GAB2: variants seen among roughly 807,000 people sequenced by gnomAD.
GAB2 encodes the protein GRB2 associated binding protein 2, also known as GRB2-associated-binding protein 2.
In GAB2, 26 loss-of-function variants were observed where a neutral mutation model predicts 65.5. That is an observed-to-expected ratio of 0.40 (90% CI 0.29 to 0.55). GAB2 has a LOEUF of 0.55. Ranked by LOEUF, GAB2 falls within the 20% of genes least tolerant of loss-of-function variation. The probability of loss-of-function intolerance (pLI) is 0.53; values close to 1 mark genes in which losing one functional copy is unlikely to be tolerated. For missense variants in GAB2, 884 were observed against 875.8 expected (o/e 1.01, Z -0.12); for synonymous variants, 321 against 329.6 (o/e 0.97, Z 0.28).
At chr11:78,243,601 G>A (rs1042020158) in intron 3 of GAB2, among the ~76,000 whole-genome samples, 5 of 152,198 alleles carry the variant, frequency 3.3e-5, no homozygotes, top group Non-Finnish European at 7.3e-5. Context: ...AGCACTTTGG[G>A]AGGCCGAGGC....
At chr11:78,398,190 C>T (rs1856926269) in intron 1 of GAB2, among the ~76,000 whole-genome samples, 2 of 152,226 alleles carry the variant, frequency 1.3e-5, no homozygotes, top group Non-Finnish European at 2.9e-5. Context: ...GCATGTTCTT[C>T]CAATGCACAC....
At chr11:78,225,044 C>G (rs1157275088) in intron 5 of GAB2, 64 bp downstream of exon 5, 1 of 978,512 alleles carries the variant, frequency 1.0e-6, no homozygotes, top group Non-Finnish European at 1.6e-6. Context: ...CTTTTAATTC[C>G]ATAAGGTGTG....
intron 1 of GAB2, among the ~76,000 whole-genome samples, chr11:78,304,869 G>A (rs904470205): frequency 1.3e-5 from 2 of 152,106 alleles, no homozygotes; most frequent in African/African-American, 4.8e-5. Flanking sequence ...TCCCCTCCAT[G>A]CCTATTTCTC....
At chr11:78,238,457 T>C (rs1463628431) in intron 3 of GAB2, among the ~76,000 whole-genome samples, 1 of 149,470 alleles carries the variant, frequency 6.7e-6, no homozygotes, top group Non-Finnish European at 1.5e-5. Flanking sequence ...TACTCCAGCC[T>C]AGGTGCCAGA....
chr11:78,346,674 C>CACATATATATATATATAT (rs1419527810), intron 1 of GAB2, among the ~76,000 whole-genome samples: 1 of 54,916 alleles, frequency 1.8e-5, no homozygotes, highest in African/African-American at 7.1e-5. Context: ...ACATCCCCTC[C>CACATATATATATATATAT]ATATATATAT....
chr11:78,417,692 G>T lies in GAB2; in HGVS notation c.29C>A (p.Thr10Asn). The T allele has an allele frequency of 7.3e-7, 1 of 1,371,168 alleles. No homozygotes were observed. Among genetic ancestry groups the T allele is most frequent in the Non-Finnish European group, 9.6e-7 (1 of 1,037,544 alleles). 84.9% of individuals were successfully genotyped at this position (1,371,168 alleles called of 1,614,324 possible). A position where few individuals can be genotyped will look rare whatever the true frequency, so the allele number is the denominator to read the frequency against. Residue 10 changes from threonine (T) to asparagine (N), a missense_variant, in exon 1 of 10, where the codon ACC (threonine) becomes AAC (asparagine). Physicochemically the swap from Thr to Asn is moderately conservative, Grantham distance 65. Transcript: ENST00000361507. ...GGGAGGCGATTTCCTCAGCCAGCCG[G>T]TGCACACCACGTCGCCGCCGCCGCT... The part of the protein sequence containing the change: MSGGGDVVC[T>N]GWLRKSPPEK...
At chr11:78,273,356 G>A (rs1433173352) in intron 2 of GAB2, among the ~76,000 whole-genome samples, 3 of 152,250 alleles carry the variant, frequency 2.0e-5, no homozygotes, top group Non-Finnish European at 2.9e-5. Context: ...CCAAGGCCAT[G>A]GGAGCCTACC....
chr11:78,362,773 G>A (rs986299490), intron 1 of GAB2, among the ~76,000 whole-genome samples: 3 of 151,964 alleles, frequency 2.0e-5, no homozygotes, highest in Non-Finnish European at 4.4e-5. Flanking sequence ...ATCAAAGGAT[G>A]GAAAAAATTA....
chr11:78,251,593 T>C (rs1865457541), intron 2 of GAB2, among the ~76,000 whole-genome samples: 1 of 152,234 alleles, frequency 6.6e-6, no homozygotes, highest in Non-Finnish European at 1.5e-5. Context: ...TCATCAGTCC[T>C]TGAACACACC....
chr11:78,352,446 C>A lies in GAB2; in HGVS notation c.75+65200G>T, dbSNP rs200517320. ...GCTCGGCGTGTCTGTGCCCTGCTTG[C>A]CTAGCAAGTTGAAAGCATGTGATAA... On this transcript the variant is annotated intron_variant, in intron 1 of 9. Coordinates refer to ENST00000361507, the MANE Select transcript of GAB2 (RefSeq NM_080491.3). Among the ~76,000 whole-genome samples, 3 of 152,286 alleles carry A rather than the reference C, an allele frequency of 2.0e-5. No individual in the cohort carries two copies. The East Asian group carries it at 5.8e-4, about 29-fold the overall frequency.
chr11:78,401,505 C>CCTGTGTGT (rs1555000328), intron 1 of GAB2, among the ~76,000 whole-genome samples: 2,546 of 124,984 alleles, frequency 0.02, 128 homozygotes, highest in African/African-American at 0.071. Context: ...GAACAGTATT[C>CCTGTGTGT]GTGTGTGTGT....
intron 1 of GAB2, among the ~76,000 whole-genome samples, chr11:78,351,254 C>T (rs1856273411): frequency 6.9e-6 from 1 of 145,310 alleles, no homozygotes; most frequent in Admixed American, 6.9e-5. Context: ...ACCCAGTGGC[C>T]TTTTTTTTTT....
chr11:78,378,772 C>T (rs975038206), intron 1 of GAB2, among the ~76,000 whole-genome samples: 2 of 152,140 alleles, frequency 1.3e-5, no homozygotes, highest in African/African-American at 4.8e-5. Context: ...ATTATAACCA[C>T]GAGCCACTGT....
intron 1 of GAB2, among the ~76,000 whole-genome samples, chr11:78,417,171 C>T (rs1040629079): frequency 1.3e-5 from 2 of 152,052 alleles, no homozygotes; most frequent in African/African-American, 2.4e-5. Context: ...GAGGGGCAGG[C>T]GGAGAAAGGG....
At chr11:78,224,548 T>C (rs1864565393) in intron 5 of GAB2, among the ~76,000 whole-genome samples, 1 of 152,234 alleles carries the variant, frequency 6.6e-6, no homozygotes, top group African/African-American at 2.4e-5. Context: ...TCTTGCTCTA[T>C]CTGCCGTGAC....
intron 3 of GAB2, among the ~76,000 whole-genome samples, chr11:78,236,049 AAAT>A (rs1049382906): frequency 6.6e-6 from 1 of 152,232 alleles, no homozygotes; most frequent in Non-Finnish European, 1.5e-5. Context: ...ACTGCCATCT[AAAT>A]AATAATAGGT....
chr11:78,246,873 G>T (rs1354719363), intron 3 of GAB2, among the ~76,000 whole-genome samples: 2 of 151,872 alleles, frequency 1.3e-5, no homozygotes, highest in Non-Finnish European at 2.9e-5. Flanking sequence ...CCTGTGTATG[G>T]TAGTTCAAAT....
At chr11:78,237,595 C>G (rs117447372) in intron 3 of GAB2, among the ~76,000 whole-genome samples, 3 of 151,960 alleles carry the variant, frequency 2.0e-5, no homozygotes, top group Admixed American at 1.3e-4. Flanking sequence ...ACTGACTGTA[C>G]TTCAATTTCT....
At chr11:78,225,290 T>A in intron 4 of GAB2, 88 bp from the exon 5 acceptor site, 1 of 809,344 alleles carries the variant, frequency 1.2e-6, no homozygotes, top group South Asian at 1.5e-5. Context: ...GTTCAAGGTC[T>A]TACTGATACT....
Sources: gnomAD v4.1 joint callset for allele counts (sites outside exome capture counted in the v4.1 genomes callset) on GRCh38, gnomAD v4.1.1 for gene constraint, MANE v1.5 for transcripts, NCBI Gene and HGNC (gene_info 2026-07-23, HGNC 2026-07-21) for gene names.